Variants in TBC1D5 observed in about 807,000 individuals in gnomAD.
The protein encoded by TBC1D5 is TBC1 domain family, member 5.
TBC1D5 carries 75 observed loss-of-function variants against 100.3 expected under a neutral mutation model. That is an observed-to-expected ratio of 0.75 (90% CI 0.62 to 0.91). The LOEUF (loss-of-function observed/expected upper bound fraction) is 0.91. Ranked by LOEUF, TBC1D5 falls within the 40% of genes least tolerant of loss-of-function variation. TBC1D5 has a pLI of 0.00. For missense variants in TBC1D5, 910 were observed against 942.4 expected (o/e 0.97, Z 0.45); for synonymous variants, 323 against 325.6 (o/e 0.99, Z 0.09).
intron 15 of TBC1D5, among the ~76,000 whole-genome samples, chr3:17,283,911 C>G (rs283925): frequency 0.42 from 64,354 of 151,782 alleles, 14,396 homozygotes; most frequent in Middle Eastern, 0.5. Context: ...TTTCTGCTTT[C>G]GAGCTTTTGC....
intron 15 of TBC1D5, among the ~76,000 whole-genome samples, chr3:17,260,554 CA>C (rs1010684950): frequency 4.0e-5 from 6 of 150,670 alleles, no homozygotes; most frequent in Admixed American, 6.6e-5. Context: ...GTACTGGAAA[CA>C]AAAAAAAGAA....
intron 18 of TBC1D5, among the ~76,000 whole-genome samples, chr3:17,186,700 ACT>A (rs1313307345): frequency 3.9e-5 from 5 of 129,738 alleles, no homozygotes; most frequent in Middle Eastern, 7.6e-3. Context: ...ACAGAGCAAA[ACT>A]CTATCTCCAA....
chr3:17,670,433 C>T (rs927716774), intron 1 of TBC1D5, among the ~76,000 whole-genome samples: 12 of 152,196 alleles, frequency 7.9e-5, no homozygotes, highest in Non-Finnish European at 1.6e-4. Flanking sequence ...CTAGGCTGTG[C>T]TTTCTTTCCA....
chr3:17,520,424 T>A (rs1374460058), intron 2 of TBC1D5, among the ~76,000 whole-genome samples: 2 of 152,166 alleles, frequency 1.3e-5, no homozygotes, highest in African/African-American at 4.8e-5. Flanking sequence ...AGATCTGCAA[T>A]TATTCATTGA....
At chr3:17,678,809 A>C (rs2069045103) in intron 1 of TBC1D5, among the ~76,000 whole-genome samples, 1 of 151,170 alleles carries the variant, frequency 6.6e-6, no homozygotes, top group Non-Finnish European at 1.5e-5. Flanking sequence ...TTATCATAGA[A>C]TTTCAGAGAT....
chr3:17,177,446 C>T (rs568223463), intron 19 of TBC1D5, among the ~76,000 whole-genome samples: 6 of 152,300 alleles, frequency 3.9e-5, no homozygotes, highest in African/African-American at 1.2e-4. Flanking sequence ...GGATTGCAGG[C>T]TACATCAGGA....
intron 15 of TBC1D5, among the ~76,000 whole-genome samples, chr3:17,291,383 ATCTT>A (rs1369052786): frequency 2.6e-5 from 4 of 152,216 alleles, no homozygotes. Flanking sequence ...GTCTGTTTAA[ATCTT>A]TATTTTATTA....
intron 1 of TBC1D5, among the ~76,000 whole-genome samples, chr3:17,631,043 C>CAA (rs67069718): frequency 6.8e-5 from 2 of 29,384 alleles, no homozygotes; most frequent in Non-Finnish European, 1.4e-4. Context: ...GACTCCGTCT[C>CAA]AAAAAAAAAA....
chr3:17,696,342 T>C (rs7627064), intron 1 of TBC1D5, among the ~76,000 whole-genome samples: 76,007 of 151,920 alleles, frequency 0.5, 20,540 homozygotes, highest in East Asian at 0.94. Flanking sequence ...ACAAAACTGA[T>C]AGACTGCTAG....
At chr3:17,172,654 C>T (rs1444016492) in intron 19 of TBC1D5, among the ~76,000 whole-genome samples, 1 of 152,244 alleles carries the variant, frequency 6.6e-6, no homozygotes, top group African/African-American at 2.4e-5. Context: ...ACAAAAATCT[C>T]ATTCACCTAA....
chr3:17,671,594 C>G (rs2067948865), intron 1 of TBC1D5, among the ~76,000 whole-genome samples: 1 of 152,126 alleles, frequency 6.6e-6, no homozygotes, highest in Admixed American at 6.5e-5. Context: ...TTCTTTAAGG[C>G]ATTTTAATAG....
intron 17 of TBC1D5, among the ~76,000 whole-genome samples, chr3:17,220,932 A>T (rs1223706671): frequency 6.6e-6 from 1 of 152,196 alleles, no homozygotes; most frequent in Admixed American, 6.6e-5. Flanking sequence ...GAATTTATTC[A>T]TCTCTTCAAA....
At chr3:17,441,630 A>C (rs1374698276) in intron 3 of TBC1D5, among the ~76,000 whole-genome samples, 4 of 152,180 alleles carry the variant, frequency 2.6e-5, no homozygotes, top group Non-Finnish European at 5.9e-5. Context: ...TTTTAATGGG[A>C]GGAAGTCTGG....
At chr3:17,658,594 A>G (rs954455860) in intron 1 of TBC1D5, among the ~76,000 whole-genome samples, 1 of 152,226 alleles carries the variant, frequency 6.6e-6, no homozygotes, top group Non-Finnish European at 1.5e-5. Context: ...TTATTAAATC[A>G]CGTGGCAAGA....
intron 8 of TBC1D5, among the ~76,000 whole-genome samples, chr3:17,389,583 G>A (rs139334232): frequency 6.6e-5 from 10 of 152,196 alleles, no homozygotes; most frequent in Admixed American, 5.9e-4. Context: ...TCTCACCTGA[G>A]AGCCAGCTTC....
intron 10 of TBC1D5, 99 bp from the exon 11 acceptor site, chr3:17,374,778 G>A: frequency 1.7e-6 from 2 of 1,182,246 alleles, no homozygotes; most frequent in Non-Finnish European, 2.4e-6. Context: ...CATATAATAT[G>A]CAAACGAAAA....
intron 2 of TBC1D5, among the ~76,000 whole-genome samples, chr3:17,535,437 A>G (rs1354597709): frequency 6.6e-6 from 1 of 152,138 alleles, no homozygotes; most frequent in Admixed American, 6.5e-5. Context: ...TGAAAAATTC[A>G]ATGTTCCCTT....
intron 14 of TBC1D5, among the ~76,000 whole-genome samples, 192 bp downstream of exon 14, chr3:17,307,800 C>T (rs112591569): frequency 5.3e-5 from 8 of 152,142 alleles, no homozygotes; most frequent in Non-Finnish European, 1.2e-4. Flanking sequence ...ACTCACATCT[C>T]CCAATGTGTA....
chr3:17,283,224 T>C (rs936013211), intron 15 of TBC1D5, among the ~76,000 whole-genome samples: 6 of 152,208 alleles, frequency 3.9e-5, no homozygotes, highest in Admixed American at 2.0e-4. Context: ...AAAGGGTCCA[T>C]TGAGATTATG....
Sources: gnomAD v4.1 joint callset for allele counts (sites outside exome capture counted in the v4.1 genomes callset) on GRCh38, gnomAD v4.1.1 for gene constraint, MANE v1.5 for transcripts, NCBI Gene and HGNC (gene_info 2026-07-23, HGNC 2026-07-21) for gene names.